Variants in NFATC2IP observed in about 807,000 individuals in gnomAD.
NFATC2IP encodes the protein NFATC2-interacting protein.
Under a neutral mutation model 40.2 loss-of-function variants are expected in NFATC2IP, and 25 were observed. The ratio of observed to expected loss-of-function variants is 0.62; its 90% CI spans 0.45 to 0.87. The LOEUF is 0.87. Ranked by LOEUF, NFATC2IP falls within the 40% of genes least tolerant of loss-of-function variation. The pLI is 0.00. For synonymous variants in NFATC2IP, 241 were observed against 236.3 expected (o/e 1.02, Z -0.18); for missense variants, 553 against 555.6 (o/e 1.00, Z 0.05).
At position 28,966,140 on chromosome 16, in the gene NFATC2IP, G is replaced by A. The variant is rs1005919333; in HGVS notation, c.*2277G>A. The stretch of plus-strand genomic sequence containing the variant: ...TTGCTTTTTGATTGCTTATTTAATA[G>A]AGTTGTTAAGATATTTTACATCTTC... On this transcript the variant is annotated 3_prime_UTR_variant, in exon 8 of 8. Transcript: ENST00000320805. 1 of 152,114 alleles carries A rather than the reference G, an allele frequency of 6.6e-6. No homozygotes were observed. Among genetic ancestry groups the A allele is most frequent in the South Asian group, 2.1e-4 (1 of 4,826 alleles). The allele number at this position is 152,114 out of a possible 1,614,324, so 9.4% of individuals were successfully genotyped here. A position where few individuals can be genotyped will look rare whatever the true frequency, so the allele number is the denominator to read the frequency against.
At chr16:28,956,830 C>T (rs1416091915) in intron 5 of NFATC2IP, 1 of 155,578 alleles carries the variant, frequency 6.4e-6, no homozygotes, top group Admixed American at 6.3e-5. Flanking sequence ...TCACCCTGAA[C>T]TCCACCAGCT....
Position 28,958,853 on chromosome 16 carries a change from ACAT to A in NFATC2IP, c.987_989del (p.Ile330del). 6.2e-7 allele frequency: 1 copy of A among 1,613,826 alleles called. No individual in the cohort carries two copies. Among genetic ancestry groups the A allele is most frequent in the East Asian group, 2.2e-5 (1 of 44,868 alleles). On this transcript the variant is annotated inframe_deletion, in exon 6 of 8. Transcript: ENST00000320805. ...AGGACCCTAAAGCTCGGAGTGGCTG[ACAT>A]CATTGGTGAGAGGAAGGCAGGGAGG...
intron 5 of NFATC2IP, chr16:28,957,012 T>C (rs966358543): frequency 3.3e-5 from 5 of 152,026 alleles, no homozygotes; most frequent in Middle Eastern, 3.4e-3. Flanking sequence ...TGTAGACTTA[T>C]TTTATTTTAT....
intron 6 of NFATC2IP, 56 bp downstream of exon 6, chr16:28,958,917 T>A (rs1463959277): frequency 6.2e-7 from 1 of 1,608,970 alleles, no homozygotes; most frequent in Admixed American, 1.7e-5. Context: ...GAAGGGGATA[T>A]GGGGAGAGGT....
chr16:28,961,755 C>T (rs1965089697), intron 7 of NFATC2IP, among the ~76,000 whole-genome samples: 1 of 151,918 alleles, frequency 6.6e-6, no homozygotes, highest in Admixed American at 6.6e-5. Context: ...AAAAAATTAG[C>T]CGGGCATGGT....
chr16:28,964,042 G>A lies in NFATC2IP; in HGVS notation c.*179G>A. The stretch of plus-strand genomic sequence containing the variant: ...GGTTTAGAGCCGTTAACCACTTGGT[G>A]AGTTATGTGGGTGTTGTTGCCCTGG... On this transcript the variant is annotated 3_prime_UTR_variant, in exon 8 of 8. Transcript: ENST00000320805. 2 of 612,166 alleles carry A rather than the reference G, an allele frequency of 3.3e-6. No individual in the cohort carries two copies. The highest frequency in any genetic ancestry group is 5.7e-6 in the Non-Finnish European group (2 of 352,206). The allele number at this position is 612,166 out of a possible 1,614,324, so 37.9% of individuals were successfully genotyped here.
chr16:28,956,536 T>C, intron 5 of NFATC2IP, 199 bp downstream of exon 5: 1 of 572,146 alleles, frequency 1.7e-6, no homozygotes, highest in Non-Finnish European at 3.1e-6. Flanking sequence ...CGCTCCCCTC[T>C]CTTTCTGGCA....
intron 5 of NFATC2IP, 43 bp downstream of exon 5, chr16:28,956,380 T>C: frequency 6.7e-7 from 1 of 1,493,996 alleles, no homozygotes; most frequent in Non-Finnish European, 9.3e-7. Context: ...AGGAGCTGCT[T>C]CTGGAGAGAT....
At position 28,966,910 on chromosome 16, in the gene NFATC2IP, A is replaced by G. The variant is rs528232289; in HGVS notation, c.*3047A>G. On this transcript the variant is annotated 3_prime_UTR_variant, in exon 8 of 8. Transcript: ENST00000320805. ...CTAATATTTGCATGATTCTAATAAAAGTATGTCAACTTCTTAAAATGTTTT... is the reference window on the plus strand; with the variant it reads ...CTAATATTTGCATGATTCTAATAAAGGTATGTCAACTTCTTAAAATGTTTT... The G allele has an allele frequency of 3.3e-5, 5 of 152,366 alleles. No homozygotes were observed. The East Asian group carries it at 9.6e-4, about 29-fold the overall frequency. 9.4% of individuals were successfully genotyped at this position (152,366 alleles called of 1,614,324 possible).
Position 28,951,148 on chromosome 16 carries a change from T to G in NFATC2IP, c.137T>G (p.Val46Gly). ...RSPSRGTLDV[V>G]SVDLVTDSDE... ...CCATCCCGGGGCACGCTGGACGTAG[T>G]GTCTGTGGACTTGGTCACCGACAGC... is the stretch of plus-strand genomic sequence containing the variant. Residue 46 changes from valine (V) to glycine (G), a missense_variant, in exon 1 of 8, where the codon GTG becomes GGG. By Grantham distance (109) the Val-to-Gly change is moderately radical. Coordinates refer to ENST00000320805, the MANE Select transcript of NFATC2IP (RefSeq NM_032815.4). 6.5e-7 allele frequency: 1 copy of G among 1,546,510 alleles called. No individual in the cohort carries two copies. Among genetic ancestry groups the G allele is most frequent in the Non-Finnish European group, 8.7e-7 (1 of 1,144,930 alleles).
In NFATC2IP at chr16:28,950,987, C is replaced by G. The variant is rs1201709897; in HGVS notation, c.-25C>G. 1.4e-6 allele frequency: 2 copies of G among 1,467,732 alleles called. No individual in the cohort carries two copies. Among genetic ancestry groups the G allele is most frequent in the South Asian group, 2.8e-5 (2 of 71,754 alleles). The allele number at this position is 1,467,732 out of a possible 1,614,324, so 90.9% of individuals were successfully genotyped here. Reference sequence around the variant, plus strand: ...GCGGGGCGAGGCGAGAGGAGGCGGGCGTGTGTTGTGGAGGAAAGTGTGCCA... The same window carrying G: ...GCGGGGCGAGGCGAGAGGAGGCGGGGGTGTGTTGTGGAGGAAAGTGTGCCA... On this transcript the variant is annotated 5_prime_UTR_variant, in exon 1 of 8. Coordinates refer to ENST00000320805, the MANE Select transcript of NFATC2IP (RefSeq NM_032815.4).
At chr16:28,951,462 C>CGCT in intron 1 of NFATC2IP, 64 bp downstream of exon 1, 1 of 1,327,760 alleles carries the variant, frequency 7.5e-7, no homozygotes, top group Non-Finnish European at 9.6e-7. Flanking sequence ...AGGGAGGGGC[C>CGCT]GGCGTTCGGG....
intron 2 of NFATC2IP, among the ~76,000 whole-genome samples, chr16:28,954,211 G>A (rs910501323): frequency 3.3e-5 from 5 of 152,098 alleles, no homozygotes; most frequent in African/African-American, 1.2e-4. Flanking sequence ...CAGAGCCACT[G>A]ATCTAGGGTT....
chr16:28,963,126 G>T (rs1015461669), intron 7 of NFATC2IP, among the ~76,000 whole-genome samples: 4 of 152,158 alleles, frequency 2.6e-5, no homozygotes, highest in African/African-American at 7.2e-5. Flanking sequence ...AGGTTGCAGT[G>T]AGTTGTCTAC....
chr16:28,956,904 C>T (rs1965028377), intron 5 of NFATC2IP: 1 of 153,596 alleles, frequency 6.5e-6, no homozygotes. Context: ...TGATAACAGA[C>T]ATTACCATTA....
At chr16:28,957,621 TGA>T (rs1965035935) in intron 5 of NFATC2IP, 1 of 150,792 alleles carries the variant, frequency 6.6e-6, no homozygotes, top group Non-Finnish European at 1.5e-5. Context: ...GCAGCCTGGG[TGA>T]GAGAGCAAGA....
Position 28,951,251 on chromosome 16 carries a change from GC to G in NFATC2IP, c.242del (p.Pro81ArgfsTer64), listed in dbSNP as rs1964963174. ...AGGTGGAGCCCCCGGAGCCCCCGGG[GC>G]CGGTCGCGTCCCGGGATAACAGCAA... is the stretch of plus-strand genomic sequence containing the variant. ...VEVEPPEPPG[P>X]VASRDNSNSD... is the part of the protein sequence containing the mutation. On this transcript the variant is annotated frameshift_variant, in exon 1 of 8. Coordinates refer to ENST00000320805, the MANE Select transcript of NFATC2IP (RefSeq NM_032815.4). 1.1e-5 allele frequency: 17 copies of G among 1,493,930 alleles called. No individual in the cohort carries two copies. Among genetic ancestry groups the G allele is most frequent in the Non-Finnish European group, 1.5e-5 (17 of 1,116,308 alleles). The allele number at this position is 1,493,930 out of a possible 1,614,324, so 92.5% of individuals were successfully genotyped here.
At chr16:28,962,342 G>A (rs549821341) in intron 7 of NFATC2IP, among the ~76,000 whole-genome samples, 6 of 152,280 alleles carry the variant, frequency 3.9e-5, no homozygotes, top group Admixed American at 6.5e-5. Flanking sequence ...GGAAAAGGGC[G>A]CAGAGCTTCC....
chr16:28,963,972 C>T lies in NFATC2IP; in HGVS notation c.*109C>T, dbSNP rs1965116631. 2.9e-6 allele frequency: 3 copies of T among 1,027,820 alleles called. No homozygotes were observed. Among genetic ancestry groups the T allele is most frequent in the East Asian group, 5.2e-5 (2 of 38,616 alleles). The allele number at this position is 1,027,820 out of a possible 1,614,324, so 63.7% of individuals were successfully genotyped here. ...TGAGGTAGAACTTATCTTTAAGCTG[C>T]AGCAAAATCAAGGAGTGACTTTTGT... On this transcript the variant is annotated 3_prime_UTR_variant, in exon 8 of 8. Transcript: ENST00000320805.
Sources: allele counts gnomAD v4.1 joint callset (sites outside exome capture counted in the v4.1 genomes callset), GRCh38; gene constraint gnomAD v4.1.1; transcripts MANE v1.5; gene names NCBI Gene and HGNC (gene_info 2026-07-23, HGNC 2026-07-21).